Variants in GLYATL2 observed in about 807,000 individuals in gnomAD.
The protein encoded by GLYATL2 is glycine-N-acyltransferase like 2, also known as glycine N-acyltransferase-like protein 2.
Under a neutral mutation model 21.4 loss-of-function variants are expected in GLYATL2, and 25 were observed. The observed-to-expected ratio is 1.17, with a 90% CI of 0.85 to 1.63. GLYATL2 has a LOEUF of 1.63. GLYATL2 is among the 40% of genes most tolerant of loss of function. The pLI is 0.00. For missense variants in GLYATL2, 361 were observed against 343.3 expected, an observed-to-expected ratio of 1.05 and a Z score of -0.41; for synonymous variants, 114 against 118.2, an observed-to-expected ratio of 0.96 and a Z score of 0.23.
At chr11:58,847,531 C>G (rs184651062), upstream of GLYATL2, among the ~76,000 whole-genome samples, 1 of 152,094 alleles carries the variant, frequency 6.6e-6, no homozygotes, top group African/African-American at 2.4e-5. Context: ...AGCCCTTAGG[C>G]CTTAAGAGAA....
At chr11:58,868,041 C>G (rs1854050876) in intron 1 of GLYATL2, among the ~76,000 whole-genome samples, 1 of 148,682 alleles carries the variant, frequency 6.7e-6, no homozygotes, top group Non-Finnish European at 1.5e-5. Flanking sequence ...GTCTAAGAAA[C>G]TGGCAAGCTC....
Position 58,867,706 on chromosome 11 carries a change from C to T in GLYATL2, n.61-29338G>A, listed in dbSNP as rs1029636778. ...AGCTGCCATGAGTGTTTTGGGAAGT[C>T]ACTTATGACTAATACTGAGTATGAT... On this transcript the variant is annotated intron_variant and non_coding_transcript_variant, in intron 1 of 4. Coordinates refer to the GLYATL2 transcript ENST00000533636. 6.7e-5 allele frequency among the ~76,000 whole-genome samples: 10 copies of T among 148,952 alleles called. 1 individual carries two copies. The highest frequency in any genetic ancestry group is 1.2e-4 in the Non-Finnish European group (8 of 67,142).
At chr11:58,847,079 C>T (rs1422759336), upstream of GLYATL2, among the ~76,000 whole-genome samples, 1 of 152,078 alleles carries the variant, frequency 6.6e-6, no homozygotes, top group Non-Finnish European at 1.5e-5. Context: ...CATTTCTAGA[C>T]ATTTGCTGGG....
chr11:58,890,826 A>G (rs1854530225), intron 1 of GLYATL2, among the ~76,000 whole-genome samples: 1 of 151,694 alleles, frequency 6.6e-6, no homozygotes, highest in African/African-American at 2.4e-5. Context: ...TTTCCTTAAA[A>G]TGACTTACCA....
chr11:58,854,975 G>T (rs1220452003), intron 1 of GLYATL2, among the ~76,000 whole-genome samples: 2 of 152,118 alleles, frequency 1.3e-5, no homozygotes, highest in Non-Finnish European at 2.9e-5. Context: ...TCTAATTTTA[G>T]TTCTCTTGTT....
intron 1 of GLYATL2, among the ~76,000 whole-genome samples, chr11:58,882,098 T>G (rs1854347208): frequency 6.6e-6 from 1 of 152,238 alleles, no homozygotes; most frequent in African/African-American, 2.4e-5. Flanking sequence ...ATATACCCAG[T>G]AATGGGATCG....
At chr11:58,846,666 C>G (rs1198938710), upstream of GLYATL2, among the ~76,000 whole-genome samples, 1 of 152,186 alleles carries the variant, frequency 6.6e-6, no homozygotes. Flanking sequence ...GGGGAATCAC[C>G]AATCCCAGCA....
chr11:58,899,039 A>T (rs1173373452), intron 1 of GLYATL2, among the ~76,000 whole-genome samples: 2 of 152,096 alleles, frequency 1.3e-5, no homozygotes, highest in Admixed American at 6.5e-5. Context: ...GGATGACCAA[A>T]TTTAATTTTT....
intron 1 of GLYATL2, among the ~76,000 whole-genome samples, chr11:58,898,772 G>T (rs1036922582): frequency 2.0e-5 from 3 of 152,060 alleles, no homozygotes; most frequent in Non-Finnish European, 4.4e-5. Flanking sequence ...GGTGGAGCTT[G>T]CAGTGAGCCG....
chr11:58,851,293 G>T (rs746509997), intron 1 of GLYATL2, among the ~76,000 whole-genome samples: 9 of 152,078 alleles, frequency 5.9e-5, no homozygotes, highest in Non-Finnish European at 1.0e-4. Flanking sequence ...GGAGAAAAAC[G>T]CACAGACCCT....
chr11:58,885,469 C>A (rs1419240638), intron 1 of GLYATL2: 15 of 510,954 alleles, frequency 2.9e-5, no homozygotes, highest in African/African-American at 1.9e-5. Flanking sequence ...ATCATAGGAA[C>A]CCCTTCAACA....
rs764747015 is a variant in GLYATL2 at position 58,837,358 on chromosome 11, G to A, written c.226C>T (p.His76Tyr). 1 of 1,613,264 alleles carries A rather than the reference G, an allele frequency of 6.2e-7. No individual in the cohort carries two copies. The highest frequency in any genetic ancestry group is 8.5e-7 in the Non-Finnish European group (1 of 1,179,266). Residue 76 changes from histidine (H) to tyrosine (Y), a missense_variant, in exon 4 of 6, where the codon CAC becomes TAC. His to Tyr is a moderately conservative substitution (Grantham distance 83, BLOSUM62 2). Coordinates refer to ENST00000287275, the MANE Select transcript of GLYATL2 (RefSeq NM_145016.4). The part of the protein sequence containing the change: ...DDQDHYTNTY[H>Y]IFTKAPDKLE... ...TTGTCAGGAGCTTTGGTGAAGATGT[G>A]GTAAGTGTTGGTATAATGATCCTGG...
At chr11:58,871,045 A>G (rs1854109152) in intron 1 of GLYATL2, among the ~76,000 whole-genome samples, 1 of 152,234 alleles carries the variant, frequency 6.6e-6, no homozygotes, top group African/African-American at 2.4e-5. Context: ...AGGTAAAAAG[A>G]TAGATTTACC....
intron 1 of GLYATL2, among the ~76,000 whole-genome samples, chr11:58,890,624 G>GT (rs552829681): frequency 2.0e-5 from 3 of 151,830 alleles, no homozygotes; most frequent in Non-Finnish European, 2.9e-5. Flanking sequence ...GAGGTTTTCT[G>GT]TTTTTTTGAA....
At chr11:58,868,551 A>G (rs1378280529) in intron 1 of GLYATL2, among the ~76,000 whole-genome samples, 1 of 149,120 alleles carries the variant, frequency 6.7e-6, no homozygotes, top group African/African-American at 2.4e-5. Flanking sequence ...TTTCTTGGCA[A>G]TAATTGGTGA....
intron 1 of GLYATL2, among the ~76,000 whole-genome samples, chr11:58,891,491 A>G (rs1854542946): frequency 6.6e-6 from 1 of 152,214 alleles, no homozygotes; most frequent in South Asian, 2.1e-4. Context: ...GCAATGTCTC[A>G]TTAATGTTGG....
At chr11:58,908,217 C>G (rs1193425001), upstream of GLYATL2, 2 of 152,166 alleles carry the variant, frequency 1.3e-5, no homozygotes, top group Admixed American at 6.5e-5. Flanking sequence ...GCCTGTTTCC[C>G]CTCCCTGAGA....
intron 1 of GLYATL2, among the ~76,000 whole-genome samples, chr11:58,870,786 A>C (rs951382479): frequency 6.6e-6 from 1 of 152,244 alleles, no homozygotes; most frequent in African/African-American, 2.4e-5. Context: ...CGTGTGTTGC[A>C]GCAAACCTGC....
upstream of GLYATL2, among the ~76,000 whole-genome samples, chr11:58,906,160 C>G (rs544243859): frequency 2.6e-4 from 40 of 152,194 alleles, no homozygotes; most frequent in Admixed American, 5.2e-4. Flanking sequence ...GGTGGATGGC[C>G]GGCAGGGGCA....
Sources: allele counts gnomAD v4.1 joint callset (sites outside exome capture counted in the v4.1 genomes callset), GRCh38; gene constraint gnomAD v4.1.1; transcripts MANE v1.5; gene names NCBI Gene and HGNC (gene_info 2026-07-23, HGNC 2026-07-21).